Variants in PDCD6 observed in about 807,000 individuals in gnomAD.
PDCD6 encodes the protein programmed cell death 6.
PDCD6 carries 12 observed loss-of-function variants against 28.3 expected under a neutral mutation model. The observed-to-expected ratio is 0.42, with a 90% CI of 0.27 to 0.69. PDCD6 has a LOEUF of 0.69. Among genes scored for constraint, PDCD6 ranks in the 30% least tolerant of loss-of-function variants. The pLI, the probability that PDCD6 is intolerant of heterozygous loss-of-function variation, is 0.22. For missense variants in PDCD6, 226 were observed against 269.9 expected (o/e 0.84, Z 1.14); for synonymous variants, 92 against 108.0 (o/e 0.85, Z 0.92).
At chr5:311,180 C>T (rs1255909416) in intron 4 of PDCD6, 113 bp from the exon 5 acceptor site, 5 of 771,076 alleles carry the variant, frequency 6.5e-6, no homozygotes, top group Non-Finnish European at 1.1e-5. Flanking sequence ...CGTTCCCACA[C>T]AGCCTTGCAT....
At chr5:300,276 A>G (rs1056739379) in intron 2 of PDCD6, among the ~76,000 whole-genome samples, 2 of 152,180 alleles carry the variant, frequency 1.3e-5, no homozygotes, top group Non-Finnish European at 2.9e-5. Context: ...AACTTCCCTG[A>G]CTGACCCCCA....
chr5:311,766 T>C (rs572996500), intron 5 of PDCD6: 142 of 238,558 alleles, frequency 6.0e-4, no homozygotes, highest in Non-Finnish European at 9.7e-4. Flanking sequence ...CGATCCCGGC[T>C]CACTCCCACC....
chr5:277,889 T>TG (rs899012732), intron 2 of PDCD6, among the ~76,000 whole-genome samples: 1 of 113,206 alleles, frequency 8.8e-6, no homozygotes, highest in Admixed American at 1.0e-4. Flanking sequence ...CACTCCAGCC[T>TG]GGGGGGCAGT....
chr5:294,821 C>T (rs1185090719), intron 2 of PDCD6, among the ~76,000 whole-genome samples: 7 of 152,132 alleles, frequency 4.6e-5, no homozygotes, highest in African/African-American at 1.2e-4. Context: ...CGGGAACCAA[C>T]GCGGATGCTT....
rs568420864 is a variant in PDCD6, at chr5:305,611, C to T, written c.209-991C>T. ...CCCTTACCCTGGGGTGCAGCTCACC[C>T]AGCATCCTTCCCTGCTGGTGTGTGG... On this transcript the variant is annotated intron_variant, in intron 3 of 5. Transcript: ENST00000264933. This position sits in a 1 kb window ranked among gnomAD's most constrained non-coding sequence, Gnocchi z 4.0. 5 of 152,226 alleles carry T rather than the reference C, an allele frequency of 3.3e-5. No homozygotes were observed. The highest frequency in any genetic ancestry group is 7.3e-5 in the Non-Finnish European group (5 of 68,040). 9.4% of individuals were successfully genotyped at this position (152,226 alleles called of 1,614,324 possible). A position where few individuals can be genotyped will look rare whatever the true frequency, so the allele number is the denominator to read the frequency against.
rs550552497 is a variant in PDCD6, at chr5:296,587, G to A, written c.164-7590G>A. 7.2e-5 allele frequency among the ~76,000 whole-genome samples: 11 copies of A among 152,336 alleles called. No individual in the cohort carries two copies. In the South Asian group the frequency reaches 2.3e-3, roughly 32 times the overall value. ...CTCAGATAGTGTGTGAGTGGATGAA[G>A]CAGCAAAAACACACGCTGCTAATTA... On this transcript the variant is annotated intron_variant, in intron 2 of 5. Coordinates refer to ENST00000264933, the MANE Select transcript of PDCD6 (RefSeq NM_013232.4).
intron 2 of PDCD6, among the ~76,000 whole-genome samples, chr5:287,846 A>T (rs1739070239): frequency 6.6e-6 from 1 of 152,208 alleles, no homozygotes; most frequent in Non-Finnish European, 1.5e-5. Flanking sequence ...CATACTCTAG[A>T]ATAATTTGGA....
chr5:279,240 C>G (rs937980538), intron 2 of PDCD6, among the ~76,000 whole-genome samples: 2 of 151,988 alleles, frequency 1.3e-5, no homozygotes, highest in African/African-American at 4.8e-5. Flanking sequence ...TTGCCAGGGC[C>G]GGAGGGAGGG....
intron 2 of PDCD6, among the ~76,000 whole-genome samples, chr5:296,289 C>G (rs551495811): frequency 1.3e-4 from 20 of 152,138 alleles, no homozygotes; most frequent in African/African-American, 4.8e-4. Context: ...TGTCCTCTCC[C>G]CCACCCCAGC....
intron 2 of PDCD6, among the ~76,000 whole-genome samples, chr5:279,996 G>C (rs181427978): frequency 1.0e-5 from 1 of 98,972 alleles, no homozygotes; most frequent in African/African-American, 4.1e-5. Flanking sequence ...GTCCAAGGGA[G>C]GGGGGTGGGC....
In PDCD6 at chr5:307,287, CT is replaced by C. The variant is rs1740579396; in HGVS notation, c.367+528del. ...GTGTGTGCACACGTGTGCCGTGCGC[CT>C]CAGAAGGGGCGTTAGGCAGAACGCG... On this transcript the variant is annotated intron_variant, in intron 4 of 5. Coordinates refer to ENST00000264933, the MANE Select transcript of PDCD6 (RefSeq NM_013232.4). The surrounding 1 kb of genome is among the most constrained non-coding windows in gnomAD (Gnocchi z 6.1). Among the ~76,000 whole-genome samples, 1 of 114,144 alleles carries C rather than the reference CT, an allele frequency of 8.8e-6. No homozygotes were observed. Among genetic ancestry groups the C allele is most frequent in the Non-Finnish European group, 1.7e-5 (1 of 57,436 alleles). 74.9% of individuals were successfully genotyped at this position (114,144 alleles called of 152,430 possible). A position where few individuals can be genotyped will look rare whatever the true frequency, so the allele number is the denominator to read the frequency against.
intron 2 of PDCD6, among the ~76,000 whole-genome samples, chr5:285,084 C>A (rs1738858275): frequency 1.3e-5 from 2 of 149,284 alleles, no homozygotes; most frequent in Admixed American, 6.7e-5. Flanking sequence ...ACTGGAACAT[C>A]AGCTCCCCAC....
At chr5:301,795 G>T (rs1209409464) in intron 2 of PDCD6, among the ~76,000 whole-genome samples, 3 of 150,362 alleles carry the variant, frequency 2.0e-5, no homozygotes, top group African/African-American at 7.4e-5. Context: ...CTGTGTGTAT[G>T]CCTCGGGTTC....
chr5:292,547 C>T (rs1739375603), intron 2 of PDCD6, among the ~76,000 whole-genome samples: 1 of 152,252 alleles, frequency 6.6e-6, no homozygotes, highest in African/African-American at 2.4e-5. Flanking sequence ...GCATGAGCCA[C>T]CATGCCTGGC....
intron 2 of PDCD6, among the ~76,000 whole-genome samples, chr5:299,757 G>C (rs1309882885): frequency 6.6e-6 from 1 of 152,134 alleles, no homozygotes; most frequent in Non-Finnish European, 1.5e-5. Context: ...CACCATATTA[G>C]CCAGGATGGT....
chr5:299,604 C>T (rs1309071031), intron 2 of PDCD6, among the ~76,000 whole-genome samples: 1 of 151,538 alleles, frequency 6.6e-6, no homozygotes, highest in Non-Finnish European at 1.5e-5. Context: ...GGCTGGAGTC[C>T]AGTGGTGCAA....
intron 2 of PDCD6, among the ~76,000 whole-genome samples, chr5:296,152 A>C (rs1472042779): frequency 1.3e-5 from 2 of 152,214 alleles, no homozygotes; most frequent in African/African-American, 2.4e-5. Flanking sequence ...GACCAAAAGG[A>C]TCCATTTCTA....
intron 2 of PDCD6, among the ~76,000 whole-genome samples, chr5:291,481 T>C (rs1483123689): frequency 6.6e-6 from 1 of 150,462 alleles, no homozygotes; most frequent in Non-Finnish European, 1.5e-5. Flanking sequence ...TTTTCATTGC[T>C]GCGTGATCTC....
chr5:307,700 T>C lies in PDCD6; in HGVS notation c.367+940T>C, dbSNP rs893465246. ...TTGTGAAGCCGCTTCCGTGATTTGC[T>C]TAAAAGGCTCCTTAGAAACAGTGAG... On this transcript the variant is annotated intron_variant, in intron 4 of 5. Coordinates refer to ENST00000264933, the MANE Select transcript of PDCD6 (RefSeq NM_013232.4). The surrounding 1 kb of genome is among the most constrained non-coding windows in gnomAD (Gnocchi z 6.1). 6.6e-6 allele frequency among the ~76,000 whole-genome samples: 1 copy of C among 152,186 alleles called. No individual in the cohort carries two copies. Among genetic ancestry groups the C allele is most frequent in the African/African-American group, 2.4e-5 (1 of 41,442 alleles).
Sources: allele counts gnomAD v4.1 joint callset (sites outside exome capture counted in the v4.1 genomes callset), GRCh38; gene constraint gnomAD v4.1.1; non-coding constraint Gnocchi (gnomAD v3.1); transcripts MANE v1.5; gene names NCBI Gene and HGNC (gene_info 2026-07-23, HGNC 2026-07-21).